Variants in PRR19 observed in about 807,000 individuals in gnomAD.
PRR19 encodes the protein proline rich 19.
A neutral mutation model predicts 19.2 loss-of-function variants in PRR19; 9 were observed. That is an observed-to-expected ratio of 0.47 (90% CI 0.28 to 0.82). The LOEUF is 0.82. PRR19 is among the 40% of genes least tolerant of loss of function. PRR19 has a pLI of 0.11. For missense variants in PRR19, 457 were observed against 466.0 expected, an observed-to-expected ratio of 0.98 and a Z score of 0.18; for synonymous variants, 190 against 191.0, an observed-to-expected ratio of 0.99 and a Z score of 0.04.
chr19:42,306,298 C>T (rs1012576173), intron 1 of PRR19, among the ~76,000 whole-genome samples: 38 of 152,216 alleles, frequency 2.5e-4, no homozygotes, highest in Non-Finnish European at 4.8e-4. Context: ...CTCAGCCTCC[C>T]GAGTAGTTAG....
Position 42,302,612 on chromosome 19 carries a change from T to C in PRR19, c.-7+109T>C, listed in dbSNP as rs1049468995. ...CCCAGGCCGCGCACCCGGCACGGGG[T>C]GGGGGGAGGGAGAGGCGAGACCATC... On this transcript the variant is annotated intron_variant, in intron 1 of 2. Coordinates refer to ENST00000341747, the MANE Select transcript of PRR19 (RefSeq NM_199285.3). 18 of 372,296 alleles carry C rather than the reference T, an allele frequency of 4.8e-5. No individual in the cohort carries two copies. The South Asian group carries it at 6.2e-4, about 13-fold the overall frequency. The allele number at this position is 372,296 out of a possible 1,614,324, so 23.1% of individuals were successfully genotyped here.
chr19:42,309,536 G>A (rs1163012344), intron 1 of PRR19, 43 bp from the exon 2 acceptor site: 3 of 1,449,166 alleles, frequency 2.1e-6, no homozygotes, highest in Non-Finnish European at 2.8e-6. Flanking sequence ...TACTCCCCTT[G>A]ACTTATCTGC....
intron 1 of PRR19, 89 bp downstream of exon 1, chr19:42,302,592 G>A (rs2038655220): frequency 2.4e-6 from 1 of 414,524 alleles, no homozygotes; most frequent in South Asian, 3.3e-5. Flanking sequence ...TGACTCCCAG[G>A]CCGCGCACCC....
rs746731476 is a variant in PRR19, at chr19:42,310,600, C to G, written c.931C>G (p.Gln311Glu). The G allele has an allele frequency of 6.2e-6, 10 of 1,613,998 alleles. No individual in the cohort carries two copies. In the South Asian group the frequency reaches 1.1e-4, roughly 18 times the overall value. ...GGTTGGCCTCCCTCAGCCCCTGCCT[C>G]AGCCTTCATCACCCCTGTTGCCCCG... Reference protein sequence around the residue: ...WGVGLPQPLPQPSSPLLPRTS... With the variant: ...WGVGLPQPLPEPSSPLLPRTS... The change falls in exon 3 of 3, where the codon CAG becomes GAG. Residue 311 changes from glutamine to glutamate, a missense_variant. Transcript: ENST00000341747.
chr19:42,307,585 C>T (rs942809385), intron 1 of PRR19, among the ~76,000 whole-genome samples: 3 of 150,882 alleles, frequency 2.0e-5, no homozygotes, highest in Non-Finnish European at 4.4e-5. Flanking sequence ...TACAGTCATT[C>T]ACCACCACGC....
intron 1 of PRR19, among the ~76,000 whole-genome samples, chr19:42,307,333 AC>A (rs2038720488): frequency 6.6e-6 from 1 of 151,380 alleles, no homozygotes; most frequent in Admixed American, 6.6e-5. Context: ...ATTCCCCTGT[AC>A]CTCGTCTACC....
chr19:42,310,117 T>C lies in PRR19; in HGVS notation c.533T>C (p.Leu178Ser). 2 of 1,614,112 alleles carry C rather than the reference T, an allele frequency of 1.2e-6. No homozygotes were observed. Among genetic ancestry groups the C allele is most frequent in the Admixed American group, 3.3e-5 (2 of 60,022 alleles). The change falls in exon 2 of 3, where the codon TTG becomes TCG. Residue 178 changes from leucine to serine, a missense_variant. Transcript: ENST00000341747. Reference sequence around the variant, plus strand: ...GCCAGGGATGCCATCGTGCACACCTTGCAGGCCTGTCATGGTTGTGTGCCT... The same window carrying C: ...GCCAGGGATGCCATCGTGCACACCTCGCAGGCCTGTCATGGTTGTGTGCCT... ...QDARDAIVHTLQACHGCVPDL... is the reference protein window; with the variant it reads ...QDARDAIVHTSQACHGCVPDL...
chr19:42,310,191 C>T lies in PRR19; in HGVS notation c.601+6C>T, dbSNP rs201124925. ...CTGCCAGCCACCCTTGCCAGGTGAGCGTCCCTCCTGCCCCTGTACTCCCCT... is the reference window on the plus strand; with the variant it reads ...CTGCCAGCCACCCTTGCCAGGTGAGTGTCCCTCCTGCCCCTGTACTCCCCT... On this transcript the variant is annotated splice_donor_region_variant and intron_variant, in intron 2 of 2. Coordinates refer to ENST00000341747, the MANE Select transcript of PRR19 (RefSeq NM_199285.3). 3.3e-5 allele frequency: 53 copies of T among 1,613,876 alleles called. No individual in the cohort carries two copies. Among genetic ancestry groups the T allele is most frequent in the Middle Eastern group, 1.6e-4 (1 of 6,062 alleles).
intron 1 of PRR19, among the ~76,000 whole-genome samples, chr19:42,307,709 ACAGG>A (rs1384625792): frequency 6.8e-6 from 1 of 146,190 alleles, no homozygotes; most frequent in African/African-American, 2.5e-5. Flanking sequence ...TGCTGGGACT[ACAGG>A]CGTGAGCCAC....
At chr19:42,304,358 C>T (rs2038683398) in intron 1 of PRR19, among the ~76,000 whole-genome samples, 1 of 151,654 alleles carries the variant, frequency 6.6e-6, no homozygotes, top group South Asian at 2.1e-4. Flanking sequence ...GTGATGCATG[C>T]CTGTAGTCCC....
chr19:42,304,095 C>T (rs2038679538), intron 1 of PRR19, among the ~76,000 whole-genome samples: 1 of 147,996 alleles, frequency 6.8e-6, no homozygotes, highest in Admixed American at 6.7e-5. Flanking sequence ...ATGGCGAAAC[C>T]ACGTGTCTAC....
chr19:42,302,418 C>A lies in PRR19; in HGVS notation c.-92C>A, dbSNP rs570602740. ...CCTACCCCTCGCGGCAACAAAGGAC[C>A]GTCCCAACGCTAGCACACCCGCGGA... On this transcript the variant is annotated 5_prime_UTR_variant, in exon 1 of 3. Coordinates refer to ENST00000341747, the MANE Select transcript of PRR19 (RefSeq NM_199285.3). 9.2e-6 allele frequency: 9 copies of A among 980,606 alleles called. No individual in the cohort carries two copies. Among genetic ancestry groups the A allele is most frequent in the African/African-American group, 1.6e-5 (1 of 61,900 alleles). 60.7% of individuals were successfully genotyped at this position (980,606 alleles called of 1,614,324 possible). A position where few individuals can be genotyped will look rare whatever the true frequency, so the allele number is the denominator to read the frequency against.
intron 1 of PRR19, among the ~76,000 whole-genome samples, chr19:42,305,557 C>T (rs1295525561): frequency 2.0e-5 from 3 of 152,006 alleles, no homozygotes; most frequent in Non-Finnish European, 4.4e-5. Context: ...GGATTACAGG[C>T]GTGAGCCACC....
intron 1 of PRR19, among the ~76,000 whole-genome samples, chr19:42,305,339 C>T (rs956001500): frequency 8.0e-5 from 12 of 150,836 alleles, no homozygotes; most frequent in East Asian, 3.9e-4. Flanking sequence ...ACTGCAATGG[C>T]GCGATCTCGG....
intron 1 of PRR19, among the ~76,000 whole-genome samples, chr19:42,308,319 T>G (rs1347763328): frequency 2.6e-5 from 4 of 151,112 alleles, no homozygotes; most frequent in Non-Finnish European, 5.9e-5. Context: ...CTCCAACTCC[T>G]GGGCTCAAGT....
In PRR19 at chr19:42,302,317, C is replaced by G; in HGVS notation, c.-193C>G. ...GTTCTCCTCTCCACTCATCTTGGCG[C>G]CGCAGCTCCTGCAGGATGAGCGAGT... On this transcript the variant is annotated 5_prime_UTR_variant, in exon 1 of 3. Coordinates refer to ENST00000341747, the MANE Select transcript of PRR19 (RefSeq NM_199285.3). The G allele has an allele frequency of 5.0e-6, 8 of 1,598,726 alleles. No homozygotes were observed. Among genetic ancestry groups the G allele is most frequent in the Non-Finnish European group, 6.8e-6 (8 of 1,174,296 alleles).
intron 1 of PRR19, among the ~76,000 whole-genome samples, chr19:42,308,000 G>A (rs1366667138): frequency 2.0e-5 from 3 of 147,444 alleles, no homozygotes; most frequent in Admixed American, 1.4e-4. Flanking sequence ...CTGGTGATCC[G>A]CCCGCCTCGG....
In PRR19 at chr19:42,310,646, G is replaced by A. The variant is rs1290881004; in HGVS notation, c.977G>A (p.Ser326Asn). ...LLPRTSVLDWSPSPPSPLPSL... is the reference protein window; with the variant it reads ...LLPRTSVLDWNPSPPSPLPSL... ...CCCCGAACCTCTGTCCTGGACTGGA[G>A]CCCCAGCCCCCCTTCCCCACTGCCC... The change falls in exon 3 of 3, where the codon AGC becomes AAC. Residue 326 changes from serine to asparagine, a missense_variant. Coordinates refer to ENST00000341747, the MANE Select transcript of PRR19 (RefSeq NM_199285.3). 6.2e-7 allele frequency: 1 copy of A among 1,612,964 alleles called. No individual in the cohort carries two copies. The highest frequency in any genetic ancestry group is 1.7e-5 in the Admixed American group (1 of 59,934).
At chr19:42,302,998 C>CT (rs1336210147) in intron 1 of PRR19, among the ~76,000 whole-genome samples, 2 of 151,840 alleles carry the variant, frequency 1.3e-5, no homozygotes, top group Non-Finnish European at 2.9e-5. Flanking sequence ...AGGAGCCACT[C>CT]TAAGGCCGCG....
Sources: allele counts gnomAD v4.1 joint callset (sites outside exome capture counted in the v4.1 genomes callset), GRCh38; gene constraint gnomAD v4.1.1; transcripts MANE v1.5; gene names NCBI Gene and HGNC (gene_info 2026-07-23, HGNC 2026-07-21).